Variants in LMNB1 observed in about 807,000 individuals in gnomAD.
LMNB1 encodes the protein lamin B1, also known as lamin-B1.
In LMNB1, 23 loss-of-function variants were observed where a neutral mutation model predicts 67.1. That is an observed-to-expected ratio of 0.34 (90% CI 0.25 to 0.49). LMNB1 has a LOEUF of 0.49. LMNB1 is among the 20% of genes least tolerant of loss of function. The pLI is 0.99. For missense variants in LMNB1, 634 were observed against 746.5 expected, an observed-to-expected ratio of 0.85 and a Z score of 1.76; for synonymous variants, 281 against 282.9, an observed-to-expected ratio of 0.99 and a Z score of 0.07.
chr5:126,816,920 TC>T (rs1394963946), intron 5 of LMNB1, among the ~76,000 whole-genome samples: 97 of 152,318 alleles, frequency 6.4e-4, no homozygotes, highest in Non-Finnish European at 1.2e-3. Flanking sequence ...CTACTATTTT[TC>T]CGTTCCCATA....
Position 126,810,284 on chromosome 5 carries a change from G to A in LMNB1, c.747G>A (p.Met249Ile). 6.2e-7 allele frequency: 1 copy of A among 1,613,882 alleles called. No individual in the cohort carries two copies. Among genetic ancestry groups the A allele is most frequent in the Non-Finnish European group, 8.5e-7 (1 of 1,179,808 alleles). ...EYKLAQALHEMREQHDAQVRL... is the reference protein window; with the variant it reads ...EYKLAQALHEIREQHDAQVRL... ...AGCTGGCGCAAGCCCTTCATGAGAT[G>A]AGAGAGCAACATGATGCCCAAGTGA... Residue 249 changes from methionine to isoleucine, a missense_variant, in exon 4 of 11, where the codon ATG becomes ATA. By Grantham distance (10) the Met-to-Ile change is conservative. Coordinates refer to ENST00000261366, the MANE Select transcript of LMNB1 (RefSeq NM_005573.4).
intron 3 of LMNB1, among the ~76,000 whole-genome samples, chr5:126,806,628 C>T (rs765130640): frequency 5.3e-5 from 8 of 152,050 alleles, no homozygotes; most frequent in Non-Finnish European, 1.0e-4. Flanking sequence ...GAAAGAAACA[C>T]AACGAGAACA....
chr5:126,799,079 G>T (rs887686462), intron 1 of LMNB1, among the ~76,000 whole-genome samples: 8 of 149,726 alleles, frequency 5.3e-5, no homozygotes, highest in African/African-American at 2.0e-4. Flanking sequence ...GTGCAGTGGC[G>T]CAATCTCGGC....
At chr5:126,815,160 G>C (rs1022823775) in intron 5 of LMNB1, 2 of 152,090 alleles carry the variant, frequency 1.3e-5, no homozygotes. Flanking sequence ...CCTATTGTTT[G>C]TCTTAATAGT....
chr5:126,816,317 T>G (rs1751702832), intron 5 of LMNB1, among the ~76,000 whole-genome samples: 1 of 152,152 alleles, frequency 6.6e-6, no homozygotes, highest in Non-Finnish European at 1.5e-5. Context: ...TTGGTCAATT[T>G]TTTTTCTTTA....
intron 9 of LMNB1, among the ~76,000 whole-genome samples, 169 bp downstream of exon 9, chr5:126,826,276 T>C (rs903687313): frequency 6.6e-6 from 1 of 152,090 alleles, no homozygotes; most frequent in Non-Finnish European, 1.5e-5. Context: ...TAAATAGGAG[T>C]GTATTATAGA....
chr5:126,801,106 C>T (rs1266018187), intron 1 of LMNB1, among the ~76,000 whole-genome samples: 1 of 148,506 alleles, frequency 6.7e-6, no homozygotes, highest in African/African-American at 2.5e-5. Context: ...GCCTCAGCCC[C>T]TCTAGTAGCT....
At chr5:126,785,726 C>T (rs1448307651) in intron 1 of LMNB1, among the ~76,000 whole-genome samples, 1 of 96,070 alleles carries the variant, frequency 1.0e-5, no homozygotes, top group African/African-American at 3.7e-5. Context: ...TTGGGCCCAA[C>T]CCTTAGGTTG....
intron 6 of LMNB1, 84 bp downstream of exon 6, chr5:126,819,226 T>A (rs2126727219): frequency 2.3e-6 from 2 of 869,276 alleles, no homozygotes; most frequent in Middle Eastern, 2.4e-4. Context: ...AATAGCATTT[T>A]AAAAAGAACT....
chr5:126,779,877 A>G (rs1750580842), intron 1 of LMNB1, among the ~76,000 whole-genome samples: 1 of 152,198 alleles, frequency 6.6e-6, no homozygotes, highest in Admixed American at 6.6e-5. Flanking sequence ...CTAAAAATAC[A>G]AAAAATTATC....
intron 3 of LMNB1, among the ~76,000 whole-genome samples, chr5:126,808,492 CT>C (rs550293350): frequency 2.2e-4 from 32 of 146,956 alleles, no homozygotes; most frequent in Non-Finnish European, 2.1e-4. Context: ...CTGGCCTTAA[CT>C]TTTTTTTTTT....
chr5:126,776,730 G>C (rs1750454381), upstream of LMNB1: 1 of 152,238 alleles, frequency 6.6e-6, no homozygotes, highest in Non-Finnish European at 1.5e-5. Context: ...CGCCGAGTGT[G>C]GGCGGTGGCG....
At chr5:126,832,083 T>G (rs1331145223) in intron 9 of LMNB1, among the ~76,000 whole-genome samples, 3 of 152,032 alleles carry the variant, frequency 2.0e-5, no homozygotes, top group Non-Finnish European at 4.4e-5. Flanking sequence ...CTGGCCAACG[T>G]GGCAAAACCC....
intron 9 of LMNB1, among the ~76,000 whole-genome samples, chr5:126,831,480 C>G (rs1752128343): frequency 6.6e-6 from 1 of 152,154 alleles, no homozygotes; most frequent in African/African-American, 2.4e-5. Context: ...GATAGGAGAC[C>G]TATTTCTGTA....
intron 1 of LMNB1, among the ~76,000 whole-genome samples, chr5:126,795,252 C>T (rs1014185330): frequency 1.3e-5 from 2 of 151,878 alleles, no homozygotes; most frequent in African/African-American, 4.8e-5. Context: ...ATCCTCCCAT[C>T]TCAGTCTCTC....
At chr5:126,797,380 TCTC>T (rs916330815) in intron 1 of LMNB1, among the ~76,000 whole-genome samples, 118 of 152,296 alleles carry the variant, frequency 7.7e-4, no homozygotes, top group African/African-American at 2.7e-3. Flanking sequence ...CATAGGAAGA[TCTC>T]CTTATCTGGA....
intron 9 of LMNB1, among the ~76,000 whole-genome samples, chr5:126,830,709 G>A (rs1244447103): frequency 6.6e-6 from 1 of 152,190 alleles, no homozygotes; most frequent in African/African-American, 2.4e-5. Flanking sequence ...CATATGGGAT[G>A]TATACCACGA....
chr5:126,825,902 A>C (rs1751984283), intron 8 of LMNB1, 86 bp from the exon 9 acceptor site: 1 of 1,568,992 alleles, frequency 6.4e-7, no homozygotes, highest in East Asian at 2.3e-5. Context: ...TTTTAGAATC[A>C]AGTGTTTGAG....
At chr5:126,796,786 C>CTTTTTTTTTTTTTTTTTTTTTTTTTCT (rs34534973) in intron 1 of LMNB1, among the ~76,000 whole-genome samples, 1 of 118,748 alleles carries the variant, frequency 8.4e-6, no homozygotes, top group Non-Finnish European at 1.7e-5. Context: ...TTTTTTCTTT[C>CTTTTTTTTTTTTTTTTTTTTTTTTTCT]TTTTTTTTTT....
Sources: gnomAD v4.1 joint callset for allele counts (sites outside exome capture counted in the v4.1 genomes callset) on GRCh38, gnomAD v4.1.1 for gene constraint, MANE v1.5 for transcripts, NCBI Gene and HGNC (gene_info 2026-07-23, HGNC 2026-07-21) for gene names.